The following RTCA variants were observed in gnomAD, a reference collection of about 807,000 sequenced individuals.
RTCA encodes the protein RNA terminal phosphate cyclase domain 1.
RTCA carries 37 observed loss-of-function variants against 46.1 expected under a neutral mutation model. That is an observed-to-expected ratio of 0.80 (90% CI 0.62 to 1.06). The LOEUF (loss-of-function observed/expected upper bound fraction) is 1.06. Among genes scored for constraint, RTCA ranks in the 50% least tolerant of loss-of-function variants. The probability of loss-of-function intolerance (pLI) is 0.00; values close to 1 mark genes in which losing one functional copy is unlikely to be tolerated. For synonymous variants in RTCA, 164 were observed against 158.3 expected, an observed-to-expected ratio of 1.04 and a Z score of -0.27; for missense variants, 435 against 455.5, an observed-to-expected ratio of 0.95 and a Z score of 0.41.
Position 100,266,250 on chromosome 1 carries a change from C to G in RTCA, c.-126C>G. ...AGAGGCGCCGCTTCTTCCGCTTTCT[C>G]GTCAGGCTCCTGCGCCCCAGGCATG... On this transcript the variant is annotated 5_prime_UTR_variant, in exon 1 of 11. Transcript: ENST00000370128. 9.8e-6 allele frequency: 11 copies of G among 1,119,356 alleles called. No individual in the cohort carries two copies. The highest frequency in any genetic ancestry group is 3.0e-5 in the South Asian group (2 of 67,418). 69.3% of individuals were successfully genotyped at this position (1,119,356 alleles called of 1,614,324 possible).
In RTCA at chr1:100,275,595, A is replaced by T. The variant is rs1179082647; in HGVS notation, c.616-4A>T. The T allele has an allele frequency of 6.3e-7, 1 of 1,595,430 alleles. No individual in the cohort carries two copies. Among genetic ancestry groups the T allele is most frequent in the Non-Finnish European group, 8.5e-7 (1 of 1,172,666 alleles). On this transcript the variant is annotated splice_polypyrimidine_tract_variant and splice_region_variant and intron_variant, in intron 6 of 10. Coordinates refer to ENST00000370128, the MANE Select transcript of RTCA (RefSeq NM_003729.4). ...TATTCTATTTTTCTGTCTTGCTAAA[A>T]TAGGTAGCAAAAGATATGGCAGCGG... is the stretch of plus-strand genomic sequence containing the variant.
In RTCA at chr1:100,291,629, C is replaced by G; in HGVS notation, c.*125C>G. The G allele has an allele frequency of 1.7e-6, 1 of 575,938 alleles. No individual in the cohort carries two copies. Among genetic ancestry groups the G allele is most frequent in the East Asian group, 3.0e-5 (1 of 33,864 alleles). 35.7% of individuals were successfully genotyped at this position (575,938 alleles called of 1,614,324 possible). A position where few individuals can be genotyped will look rare whatever the true frequency, so the allele number is the denominator to read the frequency against. ...AAATTTGAAGATGAAGTACAGTGTT[C>G]TAGGTTTGCTGAGAAGGCTTCATTA... On this transcript the variant is annotated 3_prime_UTR_variant, in exon 11 of 11. Coordinates refer to ENST00000370128, the MANE Select transcript of RTCA (RefSeq NM_003729.4).
At chr1:100,284,594 A>G (rs1038471988) in intron 8 of RTCA, among the ~76,000 whole-genome samples, 6 of 152,094 alleles carry the variant, frequency 3.9e-5, no homozygotes, top group Non-Finnish European at 8.8e-5. Flanking sequence ...GGGTTTTGCC[A>G]TTTTGGCCAG....
chr1:100,275,891 C>T (rs965439004), intron 7 of RTCA, among the ~76,000 whole-genome samples, 168 bp downstream of exon 7: 3 of 151,774 alleles, frequency 2.0e-5, no homozygotes, highest in Non-Finnish European at 2.9e-5. Context: ...GCTGGAGTGC[C>T]GTGGTGTGAT....
At chr1:100,283,723 A>G (rs758756694) in intron 8 of RTCA, among the ~76,000 whole-genome samples, 7 of 152,088 alleles carry the variant, frequency 4.6e-5, no homozygotes, top group Non-Finnish European at 5.9e-5. Context: ...CATTTCATTC[A>G]GTCACGTAAA....
At chr1:100,283,728 C>T (rs990259195) in intron 8 of RTCA, among the ~76,000 whole-genome samples, 18 of 151,628 alleles carry the variant, frequency 1.2e-4, no homozygotes, top group African/African-American at 2.2e-4. Context: ...CATTCAGTCA[C>T]GTAAATACTT....
intron 10 of RTCA, among the ~76,000 whole-genome samples, chr1:100,289,606 A>T (rs570901300): frequency 2.0e-5 from 3 of 152,304 alleles, no homozygotes; most frequent in Non-Finnish European, 4.4e-5. Flanking sequence ...TATAACTATT[A>T]CTTGTCTGTC....
rs559614289 is a variant in RTCA, at chr1:100,288,762, G to A, written c.999+1559G>A. On this transcript the variant is annotated intron_variant, in intron 10 of 10. Transcript: ENST00000370128. ...TTAAAAAATTAATCATTACAGAAGT[G>A]TCCCATACACAAAACCACTGTTGCT... 3.3e-5 allele frequency among the ~76,000 whole-genome samples: 5 copies of A among 151,944 alleles called. No homozygotes were observed. In the South Asian group the frequency reaches 6.2e-4, roughly 19 times the overall value.
At position 100,292,287 on chromosome 1, in the gene RTCA, A is replaced by G. The variant is rs1002271708; in HGVS notation, c.*783A>G. The G allele has an allele frequency of 1.3e-5, 2 of 151,828 alleles. No individual in the cohort carries two copies. Among genetic ancestry groups the G allele is most frequent in the Admixed American group, 6.6e-5 (1 of 15,246 alleles). 9.4% of individuals were successfully genotyped at this position (151,828 alleles called of 1,614,324 possible). A position where few individuals can be genotyped will look rare whatever the true frequency, so the allele number is the denominator to read the frequency against. ...CTTCTACCTAGTGGGCACTTTGTAC[A>G]TATTTATTTTTTATTTTATTTATTC... On this transcript the variant is annotated 3_prime_UTR_variant, in exon 11 of 11. Transcript: ENST00000370128.
At chr1:100,269,508 A>T (rs1316052017) in intron 3 of RTCA, among the ~76,000 whole-genome samples, 1 of 151,668 alleles carries the variant, frequency 6.6e-6, no homozygotes, top group Non-Finnish European at 1.5e-5. Context: ...TAATTTTTAA[A>T]TTTTTTGTAA....
rs1040042338 is a variant in RTCA at position 100,274,725 on chromosome 1, A to C, written c.474-99A>C. Reference sequence around the variant, plus strand: ...AAATATTTAGACCTTTCCATGGATTACATGTTTGGATATCATTGACATGTC... The same window carrying C: ...AAATATTTAGACCTTTCCATGGATTCCATGTTTGGATATCATTGACATGTC... On this transcript the variant is annotated intron_variant, in intron 5 of 10. Coordinates refer to ENST00000370128, the MANE Select transcript of RTCA (RefSeq NM_003729.4). The C allele has an allele frequency of 1.8e-5, 23 of 1,275,058 alleles. No individual in the cohort carries two copies. The East Asian group carries it at 5.5e-4, about 31-fold the overall frequency. The allele number at this position is 1,275,058 out of a possible 1,614,324, so 79.0% of individuals were successfully genotyped here.
chr1:100,291,144 G>A (rs918762667), intron 10 of RTCA, among the ~76,000 whole-genome samples: 3 of 152,168 alleles, frequency 2.0e-5, no homozygotes, highest in African/African-American at 4.8e-5. Flanking sequence ...TTCAGTGTGC[G>A]TGGAAGGGGC....
intron 3 of RTCA, 92 bp from the exon 4 acceptor site, chr1:100,270,465 G>T: frequency 6.8e-7 from 1 of 1,479,276 alleles, no homozygotes; most frequent in South Asian, 1.3e-5. Context: ...GCTTTAGTTG[G>T]TAGTGATGAA....
At position 100,267,846 on chromosome 1, in the gene RTCA, G is replaced by A. The variant is rs116036110; in HGVS notation, c.147-306G>A. Among the ~76,000 whole-genome samples the A allele has an allele frequency of 2.6e-3, 392 of 152,298 alleles. 1 individual carries two copies. Among genetic ancestry groups the A allele is most frequent in the African/African-American group, 9.0e-3 (376 of 41,562 alleles). Reference sequence around the variant, plus strand: ...ATAGATTGTTCAGTCAAGTGCAAGCGAGACTGGTGGCACTGAAATAACTAT... The same window carrying A: ...ATAGATTGTTCAGTCAAGTGCAAGCAAGACTGGTGGCACTGAAATAACTAT... On this transcript the variant is annotated intron_variant, in intron 2 of 10. Coordinates refer to ENST00000370128, the MANE Select transcript of RTCA (RefSeq NM_003729.4).
At chr1:100,269,871 G>A (rs1557973035) in intron 3 of RTCA, among the ~76,000 whole-genome samples, 1 of 152,030 alleles carries the variant, frequency 6.6e-6, no homozygotes, top group Non-Finnish European at 1.5e-5. Flanking sequence ...GGTGTGTGAT[G>A]TTCCCCTCCC....
chr1:100,274,250 T>G (rs776518462), intron 5 of RTCA, among the ~76,000 whole-genome samples: 1 of 152,214 alleles, frequency 6.6e-6, no homozygotes, highest in Non-Finnish European at 1.5e-5. Context: ...GGTGAGCTCT[T>G]TGAGGGGAGG....
intron 5 of RTCA, among the ~76,000 whole-genome samples, chr1:100,273,991 AAT>A (rs1223799111): frequency 6.6e-6 from 1 of 152,276 alleles, no homozygotes; most frequent in East Asian, 1.9e-4. Context: ...GTATTCTAAC[AAT>A]ATGTTTGCTT....
At chr1:100,280,429 T>C (rs1403442221) in intron 8 of RTCA, among the ~76,000 whole-genome samples, 3 of 152,192 alleles carry the variant, frequency 2.0e-5, no homozygotes, top group Non-Finnish European at 4.4e-5. Context: ...AGTTTTTGGA[T>C]AAAACACTTG....
At chr1:100,277,114 A>G (rs4495726) in intron 7 of RTCA, 144 bp from the exon 8 acceptor site, 576,722 of 691,204 alleles carry the variant, frequency 0.83, 244,595 homozygotes, top group East Asian at 0.95. Flanking sequence ...TAATCATACC[A>G]CTCTATATGA....
Sources: gnomAD v4.1 joint callset for allele counts (sites outside exome capture counted in the v4.1 genomes callset) on GRCh38, gnomAD v4.1.1 for gene constraint, MANE v1.5 for transcripts, NCBI Gene and HGNC (gene_info 2026-07-23, HGNC 2026-07-21) for gene names.